The following KIAA0930 variants were observed in gnomAD, a reference collection of about 807,000 sequenced individuals.
KIAA0930 encodes the protein uncharacterized protein KIAA0930.
KIAA0930 carries 24 observed loss-of-function variants against 43.9 expected under a neutral mutation model. That is an observed-to-expected ratio of 0.55 (90% confidence interval 0.40 to 0.77). The LOEUF is 0.77. Among genes scored for constraint, KIAA0930 ranks in the 30% least tolerant of loss-of-function variants. The pLI is 0.00. For synonymous variants in KIAA0930, 259 were observed against 216.4 expected (o/e 1.20, Z -1.73); for missense variants, 461 against 574.2 (o/e 0.80, Z 2.02).
chr22:45,213,899 A>G (rs1425386137), intron 1 of KIAA0930, among the ~76,000 whole-genome samples: 2 of 152,022 alleles, frequency 1.3e-5, no homozygotes, highest in Non-Finnish European at 2.9e-5. Flanking sequence ...AATCCCAGCT[A>G]CTCGAGAGGC....
At chr22:45,214,348 A>C (rs1234557706) in intron 1 of KIAA0930, among the ~76,000 whole-genome samples, 2 of 152,198 alleles carry the variant, frequency 1.3e-5, no homozygotes, top group African/African-American at 4.8e-5. Flanking sequence ...CTTTATTCGT[A>C]ACGGCCACAA....
chr22:45,210,810 C>A (rs2083686613), intron 2 of KIAA0930, among the ~76,000 whole-genome samples: 1 of 152,222 alleles, frequency 6.6e-6, no homozygotes, highest in African/African-American at 2.4e-5. Context: ...GAGTGTGGCT[C>A]TAGTCCCTGC....
rs1335743135 is a variant in KIAA0930, at chr22:45,197,853, C to T, written c.1111G>A (p.Gly371Arg). The T allele has an allele frequency of 7.4e-5, 120 of 1,614,106 alleles. No homozygotes were observed. In the East Asian group the frequency reaches 2.7e-3, roughly 36 times the overall value. ...GSWLKLNRAD[G>R]NFLLYAHLTY... The stretch of plus-strand genomic sequence containing the variant: ...AAGTGTGCATAGAGAAGGAAGTTTC[C>T]ATCTGCTCTGTTCAGCTTCAGCCAG... The change falls in exon 9 of 10, where the codon GGA becomes AGA. Residue 371 changes from glycine (G) to arginine (R), a missense_variant. Coordinates refer to ENST00000336156, the MANE Select transcript of KIAA0930 (RefSeq NM_001009880.2).
At chr22:45,210,459 T>C (rs2083682741) in intron 2 of KIAA0930, among the ~76,000 whole-genome samples, 1 of 152,110 alleles carries the variant, frequency 6.6e-6, no homozygotes, top group African/African-American at 2.4e-5. Context: ...ACTCATATGG[T>C]CACACTAACC....
chr22:45,226,895 G>C (rs1358483182), intron 1 of KIAA0930: 1 of 153,818 alleles, frequency 6.5e-6, no homozygotes, highest in East Asian at 1.9e-4. Flanking sequence ...ACCTCCTCCC[G>C]CCTCCATGCC....
At chr22:45,226,080 A>C (rs2083798103) in intron 1 of KIAA0930, 2 of 359,482 alleles carry the variant, frequency 5.6e-6, no homozygotes, top group Non-Finnish European at 1.1e-5. Context: ...CCAGTGAACG[A>C]CAAGAAACAC....
At chr22:45,212,367 T>C (rs1247906908) in intron 1 of KIAA0930, 1 of 1,596,750 alleles carries the variant, frequency 6.3e-7, no homozygotes, top group East Asian at 2.3e-5. Context: ...CAGCTGAGCC[T>C]GACTCCAGCC....
chr22:45,213,692 T>A (rs1415443536), intron 1 of KIAA0930, among the ~76,000 whole-genome samples: 1 of 152,268 alleles, frequency 6.6e-6, no homozygotes, highest in Admixed American at 6.5e-5. Flanking sequence ...CCCAACGGAA[T>A]AACAGAATAA....
chr22:45,240,602 C>G, intron 1 of KIAA0930, 38 bp downstream of exon 1: 1 of 1,466,904 alleles, frequency 6.8e-7, no homozygotes, highest in Non-Finnish European at 9.2e-7. Flanking sequence ...GAGACGCTCA[C>G]CTCTCCCGGC....
intron 8 of KIAA0930, among the ~76,000 whole-genome samples, chr22:45,199,144 A>C (rs2083563526): frequency 1.3e-5 from 2 of 152,072 alleles, no homozygotes; most frequent in Non-Finnish European, 2.9e-5. Context: ...TGGCATTTTA[A>C]ATATGCTAAT....
intron 8 of KIAA0930, 78 bp downstream of exon 8, chr22:45,199,795 T>TA: frequency 1.5e-6 from 2 of 1,308,458 alleles, no homozygotes; most frequent in Non-Finnish European, 1.0e-6. Flanking sequence ...AATGAATGAA[T>TA]AAATGAATGA....
intron 7 of KIAA0930, chr22:45,201,034 T>A (rs1161036908): frequency 1.9e-6 from 1 of 528,976 alleles, no homozygotes; most frequent in Non-Finnish European, 3.9e-6. Flanking sequence ...CCAACAATAA[T>A]CTGAGGAGCA....
chr22:45,224,977 G>A (rs557454002), intron 1 of KIAA0930, among the ~76,000 whole-genome samples: 1 of 152,238 alleles, frequency 6.6e-6, no homozygotes, highest in Non-Finnish European at 1.5e-5. Flanking sequence ...CTGGGTGCCT[G>A]TCCCGGGACT....
chr22:45,209,586 G>A lies in KIAA0930; in HGVS notation c.216+2370C>T, dbSNP rs559280722. Among the ~76,000 whole-genome samples, 25 of 152,140 alleles carry A rather than the reference G, an allele frequency of 1.6e-4. No individual in the cohort carries two copies. In the South Asian group the frequency reaches 4.1e-3, roughly 25 times the overall value. On this transcript the variant is annotated intron_variant, in intron 2 of 9. Coordinates refer to ENST00000336156, the MANE Select transcript of KIAA0930 (RefSeq NM_001009880.2). ...GCTCTCTCTGTCCTACAACCCGCCC[G>A]CCAGATGTCACCTTCTGCACTCCCC...
intron 2 of KIAA0930, among the ~76,000 whole-genome samples, chr22:45,209,175 G>A (rs2083669274): frequency 6.6e-6 from 1 of 152,236 alleles, no homozygotes; most frequent in Non-Finnish European, 1.5e-5. Flanking sequence ...GGTGCAGGAG[G>A]CCCGGCTGGT....
intron 2 of KIAA0930, among the ~76,000 whole-genome samples, chr22:45,206,268 C>T (rs1401914792): frequency 2.6e-5 from 4 of 152,292 alleles, no homozygotes; most frequent in East Asian, 3.9e-4. Context: ...CCTCCTGCCT[C>T]GACCTCCCAA....
intron 2 of KIAA0930, among the ~76,000 whole-genome samples, chr22:45,208,558 G>A (rs1392921189): frequency 5.3e-5 from 6 of 114,264 alleles, no homozygotes; most frequent in African/African-American, 1.4e-4. Flanking sequence ...GGCAGAACCC[G>A]CCCGGGAAGT....
Position 45,205,721 on chromosome 22 carries a change from C to T in KIAA0930, c.337-14G>A, listed in dbSNP as rs769927839. 2.5e-5 allele frequency: 40 copies of T among 1,613,954 alleles called. No homozygotes were observed. In the East Asian group the frequency reaches 4.5e-4, roughly 18 times the overall value. ...CATGTAGTCCAGCTGGAAGAGAGCA[C>T]GGGTCAGCGTGCAGGGAGGGGTCAG... On this transcript the variant is annotated splice_polypyrimidine_tract_variant and intron_variant, in intron 3 of 9. Transcript: ENST00000336156.
At chr22:45,239,154 T>C (rs1371993546) in intron 1 of KIAA0930, among the ~76,000 whole-genome samples, 1 of 152,084 alleles carries the variant, frequency 6.6e-6, no homozygotes, top group Non-Finnish European at 1.5e-5. Context: ...TAGGTGTGTG[T>C]GGACAGGGGA....
Sources: gnomAD v4.1 joint callset for allele counts (sites outside exome capture counted in the v4.1 genomes callset) on GRCh38, gnomAD v4.1.1 for gene constraint, MANE v1.5 for transcripts, NCBI Gene and HGNC (gene_info 2026-07-23, HGNC 2026-07-21) for gene names.